The following PGCKA1 variants were observed in gnomAD, a reference collection of about 807,000 sequenced individuals.
PGCKA1 encodes PDCD10 and GCKIII kinases-associated protein 1.
the PGCKA1 span, among the ~76,000 whole-genome samples, chr4:37,521,497 A>G: frequency 2.6e-5 from 4 of 152,176 alleles, no homozygotes; most frequent in African/African-American, 4.8e-5. Context: ...ATAGTTTCCA[A>G]AATTGCTCTT....
chr4:37,569,498 C>T, the PGCKA1 span, among the ~76,000 whole-genome samples: 1 of 151,908 alleles, frequency 6.6e-6, no homozygotes, highest in African/African-American at 2.4e-5. Flanking sequence ...CACGCCCGGC[C>T]CCGAGGAGGT....
the PGCKA1 span, among the ~76,000 whole-genome samples, chr4:37,571,355 C>CTTTTTTTCCTTTT: frequency 3.1e-4 from 24 of 78,072 alleles, 1 homozygote; most frequent in African/African-American, 1.3e-3. Flanking sequence ...GACTATTATC[C>CTTTTTTTCCTTTT]TTTTTTTTTT....
the PGCKA1 span, among the ~76,000 whole-genome samples, chr4:37,470,312 GAAA>G: frequency 1.3e-5 from 2 of 152,198 alleles, no homozygotes; most frequent in African/African-American, 4.8e-5. Context: ...AACTGATTAA[GAAA>G]TGTGTGTTTC....
At chr4:37,509,016 C>G in the PGCKA1 span, among the ~76,000 whole-genome samples, 1 of 151,238 alleles carries the variant, frequency 6.6e-6, no homozygotes, top group Non-Finnish European at 1.5e-5. Flanking sequence ...AGATTAACAG[C>G]ATCCCAAGGC....
the PGCKA1 span, among the ~76,000 whole-genome samples, chr4:37,522,840 G>A: frequency 6.6e-6 from 1 of 151,974 alleles, no homozygotes; most frequent in South Asian, 2.1e-4. Context: ...TACTGTGGCT[G>A]AGCTGGTATC....
the PGCKA1 span, chr4:37,461,068 C>T: frequency 4.7e-6 from 1 of 214,718 alleles, no homozygotes; most frequent in Non-Finnish European, 9.5e-6. Flanking sequence ...AGCCAGTTTT[C>T]CCAGCACCAC....
the PGCKA1 span, among the ~76,000 whole-genome samples, chr4:37,586,022 C>T: frequency 6.6e-6 from 1 of 151,268 alleles, no homozygotes; most frequent in Non-Finnish European, 1.5e-5. Context: ...GGATACTAGA[C>T]CTCCATCTTT....
chr4:37,592,676 T>C, the PGCKA1 span, among the ~76,000 whole-genome samples: 1 of 152,082 alleles, frequency 6.6e-6, no homozygotes, highest in Non-Finnish European at 1.5e-5. Flanking sequence ...CTGAACTTCA[T>C]TTGATTTCCA....
At chr4:37,489,986 C>G in the PGCKA1 span, among the ~76,000 whole-genome samples, 1 of 151,550 alleles carries the variant, frequency 6.6e-6, no homozygotes, top group African/African-American at 2.4e-5. Flanking sequence ...CTTAGATCTC[C>G]TATCATTCTT....
the PGCKA1 span, among the ~76,000 whole-genome samples, chr4:37,547,850 C>G: frequency 6.6e-6 from 1 of 151,674 alleles, no homozygotes; most frequent in African/African-American, 2.4e-5. Context: ...AATTGAAATC[C>G]CAAACTTACA....
At chr4:37,523,975 C>T in the PGCKA1 span, among the ~76,000 whole-genome samples, 1 of 152,214 alleles carries the variant, frequency 6.6e-6, no homozygotes, top group Non-Finnish European at 1.5e-5. Context: ...TACCATTACA[C>T]TGGGGTTAGG....
At chr4:37,454,576 G>A in the PGCKA1 span, among the ~76,000 whole-genome samples, 2 of 152,224 alleles carry the variant, frequency 1.3e-5, no homozygotes, top group Non-Finnish European at 2.9e-5. Flanking sequence ...GGGTAGGGGT[G>A]GGGGAAGAGG....
chr4:37,458,507 C>T, the PGCKA1 span, among the ~76,000 whole-genome samples: 1 of 152,158 alleles, frequency 6.6e-6, no homozygotes, highest in African/African-American at 2.4e-5. Flanking sequence ...CTCCATGCAT[C>T]TGTGGACACC....
the PGCKA1 span, among the ~76,000 whole-genome samples, chr4:37,471,596 C>T: frequency 2.0e-5 from 3 of 151,874 alleles, no homozygotes; most frequent in Non-Finnish European, 2.9e-5. Context: ...GAAAGAGGAA[C>T]ATTAAATAAT....
the PGCKA1 span, among the ~76,000 whole-genome samples, chr4:37,560,175 C>G: frequency 2.0e-5 from 3 of 152,224 alleles, no homozygotes; most frequent in Non-Finnish European, 1.5e-5. Flanking sequence ...ATGCCACCAT[C>G]TCTTATGGCT....
chr4:37,468,741 T>TA, the PGCKA1 span, among the ~76,000 whole-genome samples: 1 of 115,994 alleles, frequency 8.6e-6, no homozygotes, highest in Admixed American at 8.7e-5. Context: ...AGACTCTGTA[T>TA]ACCCCCCCAC....
At chr4:37,503,282 G>A in the PGCKA1 span, among the ~76,000 whole-genome samples, 3 of 152,114 alleles carry the variant, frequency 2.0e-5, no homozygotes, top group African/African-American at 7.2e-5. Flanking sequence ...AGTTACCCTG[G>A]GCAGAACTCT....
chr4:37,510,217 T>G, the PGCKA1 span, among the ~76,000 whole-genome samples: 2 of 152,172 alleles, frequency 1.3e-5, no homozygotes, highest in African/African-American at 4.8e-5. Flanking sequence ...GGTTCCTCGT[T>G]CCTTATCTAG....
the PGCKA1 span, among the ~76,000 whole-genome samples, chr4:37,592,882 A>T: frequency 7.9e-5 from 12 of 152,248 alleles, no homozygotes; most frequent in Non-Finnish European, 1.6e-4. Context: ...ACATCCCCAC[A>T]ACTGAAAACT....
Sources: gnomAD v4.1 joint callset for allele counts (sites outside exome capture counted in the v4.1 genomes callset) on GRCh38, gnomAD v4.1.1 for gene constraint, MANE v1.5 for transcripts, NCBI Gene and HGNC (gene_info 2026-07-23, HGNC 2026-07-21) for gene names.